Variants in PDE3A observed in about 807,000 individuals in gnomAD.
The protein encoded by PDE3A is phosphodiesterase 3A.
A neutral mutation model predicts 98.3 loss-of-function variants in PDE3A; 43 were observed. That is an observed-to-expected ratio of 0.44 (90% CI 0.34 to 0.56). The LOEUF is 0.56. Among genes scored for constraint, PDE3A ranks in the 20% least tolerant of loss-of-function variants. The pLI, the probability that PDE3A is intolerant of heterozygous loss-of-function variation, is 0.01. For synonymous variants in PDE3A, 663 were observed against 567.9 expected, an observed-to-expected ratio of 1.17 and a Z score of -2.38; for missense variants, 1,427 against 1,440.7, an observed-to-expected ratio of 0.99 and a Z score of 0.15.
chr12:20,404,242 A>C (rs1299645886), intron 1 of PDE3A, among the ~76,000 whole-genome samples: 1 of 152,168 alleles, frequency 6.6e-6, no homozygotes, highest in Non-Finnish European at 1.5e-5. Context: ...TCTTTTAATA[A>C]ATTTGTTTGG....
chr12:20,602,401 A>T (rs1246735521), intron 2 of PDE3A, among the ~76,000 whole-genome samples: 1 of 152,218 alleles, frequency 6.6e-6, no homozygotes, highest in African/African-American at 2.4e-5. Context: ...TTGTTACGTG[A>T]GTTCGCTAGT....
intron 1 of PDE3A, among the ~76,000 whole-genome samples, chr12:20,374,345 G>A (rs971930095): frequency 6.6e-6 from 1 of 152,042 alleles, no homozygotes; most frequent in African/African-American, 2.4e-5. Context: ...AGTGAAAACA[G>A]TAATTTTACT....
intron 13 of PDE3A, among the ~76,000 whole-genome samples, chr12:20,649,259 G>T (rs1046698137): frequency 6.6e-6 from 1 of 152,060 alleles, no homozygotes; most frequent in South Asian, 2.1e-4. Context: ...TAGACACATT[G>T]AAAGATATCA....
intron 1 of PDE3A, among the ~76,000 whole-genome samples, chr12:20,370,939 T>C (rs935526791): frequency 6.6e-6 from 1 of 152,234 alleles, no homozygotes; most frequent in Non-Finnish European, 1.5e-5. Context: ...AACTTTGGAA[T>C]TGTTCAAAAT....
rs749282244 is a variant in PDE3A at position 20,369,769 on chromosome 12, C to T, written c.485C>T (p.Ala162Val). 1.9e-6 allele frequency: 3 copies of T among 1,612,346 alleles called. No homozygotes were observed. The highest frequency in any genetic ancestry group is 1.7e-5 in the Admixed American group (1 of 59,966). ...GGGGTGCGCCTGCCTCTGGCTGTCG[C>T]GCTGCTGGCCGCCTGCTGCGGGGGG... ...RAGVRLPLAVALLAACCGGEA... is the reference protein window; with the variant it reads ...RAGVRLPLAVVLLAACCGGEA... The change falls in exon 1 of 16, where the codon GCG (alanine) becomes GTG (valine). Residue 162 changes from alanine (A) to valine (V), a missense_variant. Transcript: ENST00000359062.
intron 1 of PDE3A, among the ~76,000 whole-genome samples, chr12:20,375,618 C>G (rs1447911869): frequency 1.3e-5 from 2 of 151,872 alleles, no homozygotes; most frequent in Non-Finnish European, 2.9e-5. Flanking sequence ...CCATAAAGGC[C>G]TTTGATCAAT....
chr12:20,480,523 T>C (rs893381793), intron 1 of PDE3A, among the ~76,000 whole-genome samples: 1 of 152,208 alleles, frequency 6.6e-6, no homozygotes, highest in Non-Finnish European at 1.5e-5. Context: ...AAATAAAATA[T>C]AGCATTTGCA....
At chr12:20,530,840 A>C (rs1946612635) in intron 1 of PDE3A, among the ~76,000 whole-genome samples, 1 of 152,222 alleles carries the variant, frequency 6.6e-6, no homozygotes, top group Non-Finnish European at 1.5e-5. Flanking sequence ...GTAGAAATTA[A>C]TCATGTTCTT....
intron 1 of PDE3A, among the ~76,000 whole-genome samples, chr12:20,429,095 A>G (rs1461277350): frequency 2.6e-5 from 4 of 152,240 alleles, no homozygotes; most frequent in Non-Finnish European, 5.9e-5. Flanking sequence ...TGTGAAGTCG[A>G]ATTTGCAAAA....
intron 1 of PDE3A, among the ~76,000 whole-genome samples, chr12:20,392,420 C>G (rs1388821702): frequency 6.6e-6 from 1 of 151,758 alleles, no homozygotes; most frequent in East Asian, 1.9e-4. Context: ...TGCCTTTAGT[C>G]CAAGATACTG....
chr12:20,621,179 T>C, intron 4 of PDE3A, 117 bp from the exon 5 acceptor site: 1 of 647,690 alleles, frequency 1.5e-6, no homozygotes, highest in Non-Finnish European at 2.8e-6. Context: ...CCTGAACCAA[T>C]ACTCAGATTG....
intron 1 of PDE3A, among the ~76,000 whole-genome samples, chr12:20,371,696 T>C (rs1048657313): frequency 2.6e-5 from 4 of 152,282 alleles, no homozygotes; most frequent in African/African-American, 9.6e-5. Context: ...ATAAAACAAA[T>C]GTTTCTTGTC....
chr12:20,578,547 C>T (rs1351903429), intron 2 of PDE3A, among the ~76,000 whole-genome samples: 2 of 151,884 alleles, frequency 1.3e-5, no homozygotes, highest in Non-Finnish European at 2.9e-5. Flanking sequence ...ATAGGATCAT[C>T]ACAATAAGCA....
intron 1 of PDE3A, among the ~76,000 whole-genome samples, chr12:20,460,039 G>A (rs1026359334): frequency 6.6e-6 from 1 of 152,162 alleles, no homozygotes; most frequent in African/African-American, 2.4e-5. Flanking sequence ...ACTAATATCT[G>A]TGAAACTCTC....
rs769950176 is a variant in PDE3A at position 20,619,760 on chromosome 12, A to G, written c.1425-1536A>G. ...TTGCTGAAGGTCATACCACATTTCA[A>G]ATGTCCTCATATATGGAAAACTGCT... is the stretch of plus-strand genomic sequence containing the variant. On this transcript the variant is annotated intron_variant, in intron 4 of 15. Transcript: ENST00000359062. Among the ~76,000 whole-genome samples the G allele has an allele frequency of 2.7e-4, 41 of 152,108 alleles. 1 individual carries two copies. The highest frequency in any genetic ancestry group is 4.6e-4 in the Non-Finnish European group (31 of 67,982).
chr12:20,599,223 C>A (rs552736417), intron 2 of PDE3A, among the ~76,000 whole-genome samples: 3 of 152,248 alleles, frequency 2.0e-5, no homozygotes, highest in East Asian at 1.9e-4. Context: ...CTCTGCCCCC[C>A]ACTTACTCTC....
intron 1 of PDE3A, among the ~76,000 whole-genome samples, chr12:20,385,981 TATAATATATATAA>T (rs1943752433): frequency 1.2e-5 from 1 of 85,276 alleles, no homozygotes; most frequent in African/African-American, 4.2e-5. Flanking sequence ...ATTATTAATA[TATAATATATATAA>T]AATATATATA....
intron 10 of PDE3A, among the ~76,000 whole-genome samples, chr12:20,640,942 T>G (rs1288688719): frequency 6.6e-6 from 1 of 152,100 alleles, no homozygotes; most frequent in African/African-American, 2.4e-5. Context: ...TTTTAAAAGC[T>G]TTTATATTTG....
chr12:20,613,778 C>T (rs1377946424), intron 3 of PDE3A, 78 bp downstream of exon 3: 1 of 1,066,992 alleles, frequency 9.4e-7, no homozygotes, highest in African/African-American at 1.6e-5. Flanking sequence ...CCTGTCACCT[C>T]AACTCCATCT....
Sources: gnomAD v4.1 joint callset for allele counts (sites outside exome capture counted in the v4.1 genomes callset) on GRCh38, gnomAD v4.1.1 for gene constraint, MANE v1.5 for transcripts, NCBI Gene and HGNC (gene_info 2026-07-23, HGNC 2026-07-21) for gene names.